The following PCGF6 variants were observed in gnomAD, a reference collection of about 807,000 sequenced individuals.
PCGF6 encodes the protein polycomb group RING finger protein 6.
In PCGF6, 24 loss-of-function variants were observed where a neutral mutation model predicts 45.5. The ratio of observed to expected loss-of-function variants is 0.53; its 90% CI spans 0.38 to 0.74. The LOEUF (loss-of-function observed/expected upper bound fraction) is 0.74, where lower values mean the gene tolerates loss of function less well. PCGF6 is among the 30% of genes least tolerant of loss of function. PCGF6 has a pLI of 0.00. For synonymous variants in PCGF6, 152 were observed against 162.1 expected, an observed-to-expected ratio of 0.94 and a Z score of 0.47; for missense variants, 356 against 443.2, an observed-to-expected ratio of 0.80 and a Z score of 1.77.
At chr10:103,316,118 T>C (rs183208897) in intron 8 of PCGF6, among the ~76,000 whole-genome samples, 32 of 152,128 alleles carry the variant, frequency 2.1e-4, no homozygotes, top group Non-Finnish European at 4.6e-4. Context: ...TTGTCTTCCA[T>C]ACCAGAATGT....
chr10:103,309,266 T>C (rs1214327139), intron 9 of PCGF6, among the ~76,000 whole-genome samples: 2 of 152,132 alleles, frequency 1.3e-5, no homozygotes, highest in African/African-American at 4.8e-5. Context: ...TCATGTTGAA[T>C]TGTAATCCCC....
At chr10:103,319,450 CATA>C (rs2093188655) in intron 8 of PCGF6, among the ~76,000 whole-genome samples, 1 of 152,124 alleles carries the variant, frequency 6.6e-6, no homozygotes, top group Non-Finnish European at 1.5e-5. Flanking sequence ...CGGACCTGGC[CATA>C]CATACTCTTC....
At chr10:103,328,364 G>A in intron 7 of PCGF6, among the ~76,000 whole-genome samples, 1 of 152,112 alleles carries the variant, frequency 6.6e-6, no homozygotes, top group Non-Finnish European at 1.5e-5. Context: ...ATATTAGATA[G>A]GTATTTTATT....
chr10:103,347,227 C>T lies in PCGF6; in HGVS notation c.673+11G>A. 1 of 1,593,286 alleles carries T rather than the reference C, an allele frequency of 6.3e-7. No individual in the cohort carries two copies. The highest frequency in any genetic ancestry group is 1.7e-5 in the Admixed American group (1 of 59,522). On this transcript the variant is annotated intron_variant, in intron 5 of 9. Transcript: ENST00000369847. ...ATCTGTAAGTACATTATAGTATACACCCAAACTTACCAGGTTTAGGTACTT... is the reference window on the plus strand; with the variant it reads ...ATCTGTAAGTACATTATAGTATACATCCAAACTTACCAGGTTTAGGTACTT...
intron 9 of PCGF6, 64 bp downstream of exon 9, chr10:103,314,122 T>A: frequency 1.1e-6 from 1 of 932,896 alleles, no homozygotes; most frequent in Non-Finnish European, 1.6e-6. Flanking sequence ...GAAAACTTAC[T>A]GATAACATGG....
chr10:103,314,332 T>G (rs764155753), intron 8 of PCGF6, 60 bp from the exon 9 acceptor site: 5 of 989,522 alleles, frequency 5.1e-6, no homozygotes, highest in Non-Finnish European at 7.6e-6. Context: ...TCTGAAGAAA[T>G]GAGGAAAACA....
At chr10:103,322,878 CA>C (rs144007263) in intron 8 of PCGF6, among the ~76,000 whole-genome samples, 8 of 106,128 alleles carry the variant, frequency 7.5e-5, no homozygotes, top group Admixed American at 2.1e-4. Context: ...TCCTTGCCAC[CA>C]AAAAAAAAAC....
At chr10:103,304,621 G>C (rs974379753) in intron 9 of PCGF6, among the ~76,000 whole-genome samples, 1 of 147,338 alleles carries the variant, frequency 6.8e-6, no homozygotes, top group Non-Finnish European at 1.5e-5. Flanking sequence ...GATTAGAGGC[G>C]TGAGCCAGAA....
At chr10:103,328,329 C>A (rs932756491) in intron 7 of PCGF6, among the ~76,000 whole-genome samples, 11 of 152,126 alleles carry the variant, frequency 7.2e-5, no homozygotes, top group African/African-American at 2.4e-4. Context: ...TTCTTGAGAA[C>A]TTTCCCAACT....
intron 9 of PCGF6, among the ~76,000 whole-genome samples, chr10:103,306,650 G>C (rs1005828525): frequency 1.3e-5 from 2 of 152,144 alleles, no homozygotes; most frequent in Non-Finnish European, 1.5e-5. Context: ...GGCAATTACA[G>C]TAAAAACTCA....
At chr10:103,344,626 G>A (rs529021811) in intron 6 of PCGF6, among the ~76,000 whole-genome samples, 21 of 148,732 alleles carry the variant, frequency 1.4e-4, no homozygotes, top group East Asian at 5.9e-4. Context: ...GCAATGGCGC[G>A]ATCTTGGCTC....
intron 9 of PCGF6, among the ~76,000 whole-genome samples, chr10:103,307,162 G>A (rs1193798222): frequency 1.3e-5 from 2 of 152,054 alleles, no homozygotes; most frequent in Non-Finnish European, 2.9e-5. Context: ...AAGGCCAGGT[G>A]TGGTGGCTCA....
chr10:103,324,897 G>A (rs1196632563), intron 8 of PCGF6, among the ~76,000 whole-genome samples: 1 of 151,692 alleles, frequency 6.6e-6, no homozygotes, highest in Non-Finnish European at 1.5e-5. Flanking sequence ...CACATTGGGA[G>A]GCCGAGGTAG....
chr10:103,347,189 T>C (rs1353715225), intron 5 of PCGF6, 49 bp downstream of exon 5: 12 of 1,396,492 alleles, frequency 8.6e-6, no homozygotes, highest in Non-Finnish European at 1.2e-5. Context: ...TATTTTATTG[T>C]TAGTATTCTT....
intron 6 of PCGF6, among the ~76,000 whole-genome samples, chr10:103,341,866 T>C (rs2133593912): frequency 6.6e-6 from 1 of 152,076 alleles, no homozygotes; most frequent in East Asian, 1.9e-4. Flanking sequence ...TCAAACACAA[T>C]GGCAAGTAAG....
rs891360527 is a variant in PCGF6, at chr10:103,329,070, C to G, written c.811-2438G>C. Among the ~76,000 whole-genome samples the G allele has an allele frequency of 2.4e-5, 3 of 124,784 alleles. No homozygotes were observed. In the East Asian group the frequency reaches 7.6e-4, roughly 31 times the overall value. 81.9% of individuals were successfully genotyped at this position (124,784 alleles called of 152,430 possible). A position where few individuals can be genotyped will look rare whatever the true frequency, so the allele number is the denominator to read the frequency against. ...GATTTTAACTTTTGAGATGGAGTCT[C>G]GCTCTGTCACCCAGGCTGGAGTGCA... is the stretch of plus-strand genomic sequence containing the variant. On this transcript the variant is annotated intron_variant, in intron 7 of 9. Transcript: ENST00000369847.
At chr10:103,309,959 T>G (rs1219805307) in intron 9 of PCGF6, among the ~76,000 whole-genome samples, 1 of 151,724 alleles carries the variant, frequency 6.6e-6, no homozygotes, top group Non-Finnish European at 1.5e-5. Flanking sequence ...TCTTTCTTTT[T>G]TTTTTTTTTG....
At chr10:103,320,368 T>A (rs1251616252) in intron 8 of PCGF6, among the ~76,000 whole-genome samples, 1 of 152,118 alleles carries the variant, frequency 6.6e-6, no homozygotes, top group African/African-American at 2.4e-5. Context: ...ATCTCTAAAT[T>A]TTAAATGAAC....
chr10:103,343,026 T>A (rs998363092), intron 6 of PCGF6, among the ~76,000 whole-genome samples: 4 of 152,076 alleles, frequency 2.6e-5, no homozygotes, highest in African/African-American at 9.7e-5. Context: ...CCTCCTGGGT[T>A]CACGCCATTC....
Sources: gnomAD v4.1 joint callset for allele counts (sites outside exome capture counted in the v4.1 genomes callset) on GRCh38, gnomAD v4.1.1 for gene constraint, MANE v1.5 for transcripts, NCBI Gene and HGNC (gene_info 2026-07-23, HGNC 2026-07-21) for gene names.